Variants in ITPKB observed in about 807,000 individuals in gnomAD.
ITPKB encodes inositol-trisphosphate 3-kinase B.
ITPKB carries 13 observed loss-of-function variants against 69.4 expected under a neutral mutation model. The ratio of observed to expected loss-of-function variants is 0.19; its 90% confidence interval spans 0.12 to 0.30. The LOEUF (loss-of-function observed/expected upper bound fraction) is 0.30. ITPKB is among the 10% of genes least tolerant of loss of function. The pLI, the probability that ITPKB is intolerant of heterozygous loss-of-function variation, is 1.00. For missense variants in ITPKB, 1,240 were observed against 1,250.5 expected, an observed-to-expected ratio of 0.99 and a Z score of 0.13; for synonymous variants, 584 against 513.7, an observed-to-expected ratio of 1.14 and a Z score of -1.85.
At position 226,634,982 on chromosome 1, in the gene ITPKB, T is replaced by C; in HGVS notation, c.2626-96A>G. ...TGGGTGACCAGGTGGGGAGGCTCGCTCAGGCCGGACAGTTGGGTGCCTGCA... is the reference window on the plus strand; with the variant it reads ...TGGGTGACCAGGTGGGGAGGCTCGCCCAGGCCGGACAGTTGGGTGCCTGCA... On this transcript the variant is annotated intron_variant, in intron 7 of 7. Transcript: ENST00000429204. The surrounding 1 kb of genome is among the most constrained non-coding windows in gnomAD (Gnocchi z 6.3). 1 of 911,100 alleles carries C rather than the reference T, an allele frequency of 1.1e-6. No individual in the cohort carries two copies. Among genetic ancestry groups the C allele is most frequent in the Non-Finnish European group, 1.7e-6 (1 of 592,858 alleles). The allele number at this position is 911,100 out of a possible 1,614,324, so 56.4% of individuals were successfully genotyped here. A position where few individuals can be genotyped will look rare whatever the true frequency, so the allele number is the denominator to read the frequency against.
chr1:226,725,861 C>T (rs112202130), intron 2 of ITPKB, among the ~76,000 whole-genome samples: 10 of 152,336 alleles, frequency 6.6e-5, no homozygotes, highest in Middle Eastern at 3.4e-3. Context: ...CATCCCAACC[C>T]GACCTCACTG....
intron 2 of ITPKB, among the ~76,000 whole-genome samples, chr1:226,702,600 G>A (rs1160576058): frequency 1.3e-5 from 2 of 152,212 alleles, no homozygotes; most frequent in African/African-American, 2.4e-5. Flanking sequence ...TGCACAGTAA[G>A]GGACTAGATT....
chr1:226,702,499 C>T (rs1407106356), intron 2 of ITPKB, among the ~76,000 whole-genome samples: 1 of 152,116 alleles, frequency 6.6e-6, no homozygotes, highest in Non-Finnish European at 1.5e-5. Context: ...TGCCTATCCT[C>T]TTCTGATGAC....
At chr1:226,723,429 T>TA (rs1432323517) in intron 2 of ITPKB, among the ~76,000 whole-genome samples, 1 of 152,092 alleles carries the variant, frequency 6.6e-6, no homozygotes, top group Non-Finnish European at 1.5e-5. Context: ...GAGCCTGTGT[T>TA]AATAAGCACG....
At chr1:226,717,417 T>C (rs1354044980) in intron 2 of ITPKB, among the ~76,000 whole-genome samples, 2 of 152,096 alleles carry the variant, frequency 1.3e-5, no homozygotes, top group African/African-American at 4.8e-5. Flanking sequence ...TCAGCATGAC[T>C]ATGTTGCAAA....
chr1:226,711,064 GA>G (rs1454837840), intron 2 of ITPKB, among the ~76,000 whole-genome samples: 2 of 152,170 alleles, frequency 1.3e-5, no homozygotes, highest in African/African-American at 4.8e-5. Flanking sequence ...TGCTTATTAA[GA>G]GACATCTTAT....
rs1245747861 is a variant in ITPKB, at chr1:226,641,631, C to T, written c.2451+290G>A. Among the ~76,000 whole-genome samples, 1 of 152,232 alleles carries T rather than the reference C, an allele frequency of 6.6e-6. No homozygotes were observed. Among genetic ancestry groups the T allele is most frequent in the Non-Finnish European group, 1.5e-5 (1 of 68,040 alleles). ...ACAGGCATCCCGCAGGTGCCTCTCG[C>T]CTGGCTTTCGGTGCCAGGCACCGTC... On this transcript the variant is annotated intron_variant, in intron 5 of 7. Transcript: ENST00000429204. The surrounding 1 kb of genome is among the most constrained non-coding windows in gnomAD (Gnocchi z 4.6).
At chr1:226,720,412 G>A (rs940820824) in intron 2 of ITPKB, among the ~76,000 whole-genome samples, 3 of 152,216 alleles carry the variant, frequency 2.0e-5, no homozygotes, top group Non-Finnish European at 2.9e-5. Flanking sequence ...TTCTCCAGGC[G>A]ACAGCTGATG....
At chr1:226,672,345 C>T (rs1191621125) in intron 2 of ITPKB, among the ~76,000 whole-genome samples, 1 of 152,142 alleles carries the variant, frequency 6.6e-6, no homozygotes, top group Non-Finnish European at 1.5e-5. Context: ...TGCTTGACAC[C>T]ATCACTCGTA....
chr1:226,640,118 C>T (rs537671089), intron 5 of ITPKB, among the ~76,000 whole-genome samples: 5 of 152,194 alleles, frequency 3.3e-5, no homozygotes, highest in Non-Finnish European at 5.9e-5. Context: ...TGCTCCCGCC[C>T]TGAGCTCAGC....
chr1:226,692,329 T>G (rs1487613293), intron 2 of ITPKB, among the ~76,000 whole-genome samples: 1 of 152,140 alleles, frequency 6.6e-6, no homozygotes, highest in Non-Finnish European at 1.5e-5. Flanking sequence ...CCATAGGCCC[T>G]AGCCCAACCC....
In ITPKB at chr1:226,634,910, G is replaced by T; in HGVS notation, c.2626-24C>A. 6.3e-7 allele frequency: 1 copy of T among 1,589,834 alleles called. No individual in the cohort carries two copies. The highest frequency in any genetic ancestry group is 1.1e-5 in the South Asian group (1 of 89,000). ...ACCTGAGGAGAACATGGGGGTGAAG[G>T]GTGAGCTGAAGCCCGGGCCTCGCCC... is the stretch of plus-strand genomic sequence containing the variant. On this transcript the variant is annotated intron_variant, in intron 7 of 7. Transcript: ENST00000429204. The surrounding 1 kb of genome is among the most constrained non-coding windows in gnomAD (Gnocchi z 6.3).
intron 2 of ITPKB, among the ~76,000 whole-genome samples, chr1:226,722,910 G>A (rs1457653154): frequency 6.6e-6 from 1 of 152,216 alleles, no homozygotes; most frequent in Non-Finnish European, 1.5e-5. Context: ...CAAACCCCCA[G>A]GGGTCAACCC....
chr1:226,700,857 G>A (rs902517549), intron 2 of ITPKB, among the ~76,000 whole-genome samples: 2 of 152,192 alleles, frequency 1.3e-5, no homozygotes, highest in African/African-American at 4.8e-5. Flanking sequence ...GAGATGCTGG[G>A]AAGCTCAGAA....
intron 2 of ITPKB, among the ~76,000 whole-genome samples, chr1:226,668,204 T>A (rs959612107): frequency 1.3e-5 from 2 of 152,220 alleles, no homozygotes; most frequent in Non-Finnish European, 2.9e-5. Context: ...TAATAATATA[T>A]GTAAGCTTCA....
rs1373422478 is a variant in ITPKB at position 226,634,700 on chromosome 1, C to T, written c.2812G>A (p.Glu938Lys). ...GLNNLVDILT[E>K]MSQDAPLA Reference sequence around the variant, plus strand: ...GCGAGTGGGGCATCCTGGGACATCTCGGTCAGGATGTCGACGAGGTTATTG... The same window carrying T: ...GCGAGTGGGGCATCCTGGGACATCTTGGTCAGGATGTCGACGAGGTTATTG... Residue 938 changes from glutamate to lysine, a missense_variant, in exon 8 of 8, where the codon GAG becomes AAG. Transcript: ENST00000429204. The surrounding 1 kb of genome is among the most constrained non-coding windows in gnomAD (Gnocchi z 6.3). 12 of 905,492 alleles carry T rather than the reference C, an allele frequency of 1.3e-5. No individual in the cohort carries two copies. The highest frequency in any genetic ancestry group is 2.1e-5 in the Non-Finnish European group (11 of 532,602). The allele number at this position is 905,492 out of a possible 1,614,324, so 56.1% of individuals were successfully genotyped here.
In ITPKB at chr1:226,737,493, C is replaced by T. The variant is rs761810432; in HGVS notation, c.-35G>A. ...TCCCGCGCTGCCCGCCGCCGCGGCTCCCGCTCCTGCTCCGCCGCCGGCGCC... is the reference window on the plus strand; with the variant it reads ...TCCCGCGCTGCCCGCCGCCGCGGCTTCCGCTCCTGCTCCGCCGCCGGCGCC... On this transcript the variant is annotated 5_prime_UTR_variant, in exon 2 of 8. Coordinates refer to ENST00000429204, the MANE Select transcript of ITPKB (RefSeq NM_002221.4). 5 of 1,527,216 alleles carry T rather than the reference C, an allele frequency of 3.3e-6. No homozygotes were observed. Among genetic ancestry groups the T allele is most frequent in the South Asian group, 2.5e-5 (2 of 79,476 alleles). 94.6% of individuals were successfully genotyped at this position (1,527,216 alleles called of 1,614,324 possible).
At chr1:226,682,869 G>A (rs899970353) in intron 2 of ITPKB, among the ~76,000 whole-genome samples, 1 of 152,168 alleles carries the variant, frequency 6.6e-6, no homozygotes, top group Non-Finnish European at 1.5e-5. Flanking sequence ...TCTGCAAGTT[G>A]AGCCTCAGGA....
chr1:226,678,571 T>C (rs986898949), intron 2 of ITPKB, among the ~76,000 whole-genome samples: 3 of 152,322 alleles, frequency 2.0e-5, no homozygotes, highest in Admixed American at 6.5e-5. Flanking sequence ...CTGTGCCCCA[T>C]TGGTTTCCTC....
Sources: gnomAD v4.1 joint callset for allele counts (sites outside exome capture counted in the v4.1 genomes callset) on GRCh38, gnomAD v4.1.1 for gene constraint, Gnocchi (gnomAD v3.1) non-coding constraint, MANE v1.5 for transcripts, NCBI Gene and HGNC (gene_info 2026-07-23, HGNC 2026-07-21) for gene names.